The following KCNJ10 variants were observed in gnomAD, a reference collection of about 807,000 sequenced individuals.
KCNJ10 encodes potassium inwardly rectifying channel subfamily J member 10, also known as ATP-sensitive inward rectifier potassium channel 10.
In KCNJ10, 9 loss-of-function variants were observed where a neutral mutation model predicts 22.2. The observed-to-expected ratio is 0.40, with a 90% confidence interval of 0.24 to 0.71. KCNJ10 has a LOEUF of 0.71. Among genes scored for constraint, KCNJ10 ranks in the 30% least tolerant of loss-of-function variants. KCNJ10 has a pLI of 0.35. For synonymous variants in KCNJ10, 184 were observed against 187.3 expected (o/e 0.98, Z 0.15); for missense variants, 337 against 482.7 (o/e 0.70, Z 2.83).
intron 1 of KCNJ10, among the ~76,000 whole-genome samples, chr1:160,046,969 CCTT>C (rs1648756498): frequency 6.6e-6 from 1 of 152,180 alleles, no homozygotes; most frequent in African/African-American, 2.4e-5. Flanking sequence ...GAGATATTCA[CCTT>C]CTTTCTCCTC....
intron 1 of KCNJ10, among the ~76,000 whole-genome samples, chr1:160,050,502 A>G (rs1648876962): frequency 1.3e-5 from 2 of 152,248 alleles, no homozygotes; most frequent in Admixed American, 6.5e-5. Flanking sequence ...AATTATGGAG[A>G]TGGATCAGAT....
intron 1 of KCNJ10, chr1:160,063,478 C>T (rs1438748025): frequency 6.6e-6 from 1 of 152,546 alleles, no homozygotes; most frequent in Non-Finnish European, 1.5e-5. Context: ...CTTTCTTTCT[C>T]CTCTTTTCAG....
chr1:160,065,211 A>G (rs986555303), intron 1 of KCNJ10, among the ~76,000 whole-genome samples: 4 of 152,150 alleles, frequency 2.6e-5, no homozygotes, highest in Admixed American at 6.5e-5. Context: ...GATCTCCTAT[A>G]GAATTAGATA....
intron 1 of KCNJ10, among the ~76,000 whole-genome samples, chr1:160,053,954 C>G (rs1299499048): frequency 2.0e-5 from 3 of 152,148 alleles, no homozygotes; most frequent in Non-Finnish European, 4.4e-5. Flanking sequence ...AGACACCACC[C>G]CTGCCTGTCA....
chr1:160,065,419 C>T (rs906919249), intron 1 of KCNJ10, among the ~76,000 whole-genome samples: 1 of 152,116 alleles, frequency 6.6e-6, no homozygotes, highest in African/African-American at 2.4e-5. Flanking sequence ...GCCAATCTGA[C>T]GGAGGTACAG....
At chr1:160,052,977 G>T (rs1474192348) in intron 1 of KCNJ10, among the ~76,000 whole-genome samples, 1 of 152,154 alleles carries the variant, frequency 6.6e-6, no homozygotes, top group Non-Finnish European at 1.5e-5. Flanking sequence ...TAAACATTTT[G>T]AATGGCTTGA....
At chr1:160,058,745 T>G (rs1649108093) in intron 1 of KCNJ10, among the ~76,000 whole-genome samples, 1 of 152,082 alleles carries the variant, frequency 6.6e-6, no homozygotes, top group Non-Finnish European at 1.5e-5. Context: ...CTAGCATCAG[T>G]GTTCTCTATC....
At chr1:160,047,466 T>C (rs1648769239) in intron 1 of KCNJ10, among the ~76,000 whole-genome samples, 1 of 152,144 alleles carries the variant, frequency 6.6e-6, no homozygotes, top group South Asian at 2.1e-4. Flanking sequence ...CTTCTGACTT[T>C]ACCCTTGACA....
intron 1 of KCNJ10, among the ~76,000 whole-genome samples, chr1:160,057,510 G>C (rs1649069695): frequency 6.6e-6 from 1 of 152,210 alleles, no homozygotes; most frequent in African/African-American, 2.4e-5. Context: ...AGCCTGCCAA[G>C]AGGTGGGCAA....
intron 1 of KCNJ10, among the ~76,000 whole-genome samples, chr1:160,050,772 A>T (rs1438002879): frequency 6.6e-6 from 1 of 152,068 alleles, no homozygotes; most frequent in Admixed American, 6.5e-5. Context: ...ACACACTGGG[A>T]AAACAGTGAT....
intron 1 of KCNJ10, among the ~76,000 whole-genome samples, chr1:160,061,754 A>AGGGGGGGGGG (rs1553236575): frequency 1.5e-4 from 1 of 6,850 alleles, no homozygotes; most frequent in African/African-American, 5.9e-4. Flanking sequence ...CAAAAGGGAA[A>AGGGGGGGGGG]GGGGGGTGGG....
In KCNJ10 at chr1:160,041,876, C is replaced by T. The variant is rs776339372; in HGVS notation, c.657G>A (p.Gln219=). 8 of 1,614,180 alleles carry T rather than the reference C, an allele frequency of 5.0e-6. No individual in the cohort carries two copies. The highest frequency in any genetic ancestry group is 5.9e-6 in the Non-Finnish European group (7 of 1,180,026). The change falls in exon 2 of 2, where the codon CAG becomes CAA. Residue 219 remains glutamine (Q), a synonymous_variant. Transcript: ENST00000644903. This position sits in a 1 kb window ranked among gnomAD's most constrained non-coding sequence, Gnocchi z 4.4. ...IGCQVTGKLL[Q]THQTKEGENI... ...TCTCCCCTTCCTTGGTTTGGTGGGT[C>T]TGAAGCAGTTTTCCTGTCACCTGGC...
intron 1 of KCNJ10, among the ~76,000 whole-genome samples, chr1:160,060,088 CCTCA>C (rs1649149746): frequency 6.6e-6 from 1 of 152,032 alleles, no homozygotes; most frequent in African/African-American, 2.4e-5. Context: ...AGCCTCTGAC[CCTCA>C]CTCAGAGGAG....
In KCNJ10 at chr1:160,041,696, C is replaced by T. The variant is rs1280724941; in HGVS notation, c.837G>A (p.Leu279=). The change falls in exon 2 of 2, where the codon CTG becomes CTA. Residue 279 remains leucine, a synonymous_variant. Transcript: ENST00000644903. The surrounding 1 kb of genome is among the most constrained non-coding windows in gnomAD (Gnocchi z 4.4). ...CCACTGTCCCACTTAGGATCAGCACCAGCTCAAAGTCACCCTCACCACTGC... is the reference window on the plus strand; with the variant it reads ...CCACTGTCCCACTTAGGATCAGCACTAGCTCAAAGTCACCCTCACCACTGC... ...PLRSGEGDFE[L]VLILSGTVES... The T allele has an allele frequency of 6.2e-7, 1 of 1,614,194 alleles. No homozygotes were observed. The highest frequency in any genetic ancestry group is 2.2e-5 in the East Asian group (1 of 44,872).
chr1:160,062,866 G>A (rs1649235737), intron 1 of KCNJ10, among the ~76,000 whole-genome samples: 1 of 151,492 alleles, frequency 6.6e-6, no homozygotes, highest in Non-Finnish European at 1.5e-5. Context: ...CTACTTCCTT[G>A]GGGTGCCACC....
chr1:160,049,723 T>C (rs1262159106), intron 1 of KCNJ10, among the ~76,000 whole-genome samples: 31 of 72,308 alleles, frequency 4.3e-4, no homozygotes, highest in African/African-American at 1.4e-3. Context: ...ATATATATGT[T>C]ATCCTAAAGA....
At chr1:160,053,892 A>G (rs1416193015) in intron 1 of KCNJ10, among the ~76,000 whole-genome samples, 1 of 152,134 alleles carries the variant, frequency 6.6e-6, no homozygotes, top group African/African-American at 2.4e-5. Context: ...TGTGTTTTCC[A>G]GTCAAGAGAG....
At chr1:160,053,977 T>A (rs1168203634) in intron 1 of KCNJ10, among the ~76,000 whole-genome samples, 1 of 152,134 alleles carries the variant, frequency 6.6e-6, no homozygotes, top group Non-Finnish European at 1.5e-5. Flanking sequence ...GTGAGCTGAC[T>A]AGGACCACTG....
At chr1:160,049,722 T>TTTATATATATATATATA (rs1648856964) in intron 1 of KCNJ10, among the ~76,000 whole-genome samples, 1 of 122,894 alleles carries the variant, frequency 8.1e-6, no homozygotes, top group Non-Finnish European at 1.7e-5. Flanking sequence ...TATATATATG[T>TTTATATATATATATATA]TATCCTAAAG....
Sources: allele counts gnomAD v4.1 joint callset (sites outside exome capture counted in the v4.1 genomes callset), GRCh38; gene constraint gnomAD v4.1.1; non-coding constraint Gnocchi (gnomAD v3.1); transcripts MANE v1.5; gene names NCBI Gene and HGNC (gene_info 2026-07-23, HGNC 2026-07-21).